IGSF21: variants seen among roughly 807,000 people sequenced by gnomAD.
IGSF21 encodes immunoglobulin superfamily member 21.
A neutral mutation model predicts 46.8 loss-of-function variants in IGSF21; 28 were observed. The ratio of observed to expected loss-of-function variants is 0.60; its 90% confidence interval spans 0.44 to 0.82. The LOEUF (loss-of-function observed/expected upper bound fraction) is 0.82, where lower values mean the gene tolerates loss of function less well. Ranked by LOEUF, IGSF21 falls within the 40% of genes least tolerant of loss-of-function variation. IGSF21 has a pLI of 0.00. For missense variants in IGSF21, 624 were observed against 665.5 expected, an observed-to-expected ratio of 0.94 and a Z score of 0.69; for synonymous variants, 284 against 273.6, an observed-to-expected ratio of 1.04 and a Z score of -0.38.
At chr1:18,137,214 A>C (rs2086374789) in intron 1 of IGSF21, among the ~76,000 whole-genome samples, 1 of 152,146 alleles carries the variant, frequency 6.6e-6, no homozygotes, top group East Asian at 1.9e-4. Context: ...GGTGGTGCAC[A>C]CTTTTCAATG....
At position 18,173,008 on chromosome 1, in the gene IGSF21, G is replaced by A. The variant is rs2086756271; in HGVS notation, c.71-54890G>A. Among the ~76,000 whole-genome samples the A allele has an allele frequency of 2.0e-5, 3 of 152,282 alleles. No homozygotes were observed. In the South Asian group the frequency reaches 6.2e-4, roughly 32 times the overall value. ...TCACATTTTAAAAAAACAGCTTTAGGCCAGGTGCGGTGGCTCACGCCTGTA... is the reference window on the plus strand; with the variant it reads ...TCACATTTTAAAAAAACAGCTTTAGACCAGGTGCGGTGGCTCACGCCTGTA... On this transcript the variant is annotated intron_variant, in intron 1 of 9. Coordinates refer to ENST00000251296, the MANE Select transcript of IGSF21 (RefSeq NM_032880.5).
At chr1:18,339,282 G>A (rs1483324835) in intron 4 of IGSF21, among the ~76,000 whole-genome samples, 1 of 152,202 alleles carries the variant, frequency 6.6e-6, no homozygotes, top group African/African-American at 2.4e-5. Context: ...TGAGCCCAGA[G>A]CACGTACTTA....
At chr1:18,214,143 G>T (rs2084419558) in intron 1 of IGSF21, among the ~76,000 whole-genome samples, 1 of 152,168 alleles carries the variant, frequency 6.6e-6, no homozygotes, top group Non-Finnish European at 1.5e-5. Flanking sequence ...CATACATCAT[G>T]AATAATACAT....
At chr1:18,145,769 G>A (rs1041996771) in intron 1 of IGSF21, among the ~76,000 whole-genome samples, 4 of 152,202 alleles carry the variant, frequency 2.6e-5, no homozygotes, top group Middle Eastern at 3.2e-3. Context: ...GGCACCTGCC[G>A]GCTGAGCGTG....
At chr1:18,181,277 C>T (rs2086855571) in intron 1 of IGSF21, among the ~76,000 whole-genome samples, 1 of 152,246 alleles carries the variant, frequency 6.6e-6, no homozygotes. Context: ...CTCTGCCGAA[C>T]TCCAAATAGA....
At chr1:18,123,142 A>G (rs2086249297) in intron 1 of IGSF21, among the ~76,000 whole-genome samples, 1 of 152,164 alleles carries the variant, frequency 6.6e-6, no homozygotes, top group African/African-American at 2.4e-5. Flanking sequence ...GGTCCGTAAA[A>G]TGAAAGGGTG....
At chr1:18,137,772 A>G (rs1050445223) in intron 1 of IGSF21, among the ~76,000 whole-genome samples, 1 of 152,212 alleles carries the variant, frequency 6.6e-6, no homozygotes, top group Non-Finnish European at 1.5e-5. Flanking sequence ...ATAGGTATTT[A>G]TTTAACAAAT....
At chr1:18,342,295 T>C (rs933478420) in intron 4 of IGSF21, among the ~76,000 whole-genome samples, 2 of 152,164 alleles carry the variant, frequency 1.3e-5, no homozygotes, top group Middle Eastern at 3.2e-3. Context: ...GGTTTCTCCA[T>C]GTTGGCTAGG....
At chr1:18,214,105 T>C (rs904854421) in intron 1 of IGSF21, among the ~76,000 whole-genome samples, 7 of 149,686 alleles carry the variant, frequency 4.7e-5, no homozygotes, top group Non-Finnish European at 1.5e-5. Flanking sequence ...ATATTAATAA[T>C]AAATAAACAA....
At chr1:18,143,354 C>A (rs745418484) in intron 1 of IGSF21, among the ~76,000 whole-genome samples, 18 of 152,160 alleles carry the variant, frequency 1.2e-4, no homozygotes, top group Non-Finnish European at 2.4e-4. Flanking sequence ...CAGCCTGGAC[C>A]CTGATCTCCT....
At chr1:18,145,277 G>A (rs1460046854) in intron 1 of IGSF21, among the ~76,000 whole-genome samples, 1 of 152,062 alleles carries the variant, frequency 6.6e-6, no homozygotes, top group African/African-American at 2.4e-5. Context: ...CCTGACCCTT[G>A]TGTGGGTATC....
intron 1 of IGSF21, among the ~76,000 whole-genome samples, chr1:18,116,534 G>A (rs1025021056): frequency 6.6e-6 from 1 of 152,234 alleles, no homozygotes; most frequent in African/African-American, 2.4e-5. Context: ...GGGGCCAGCA[G>A]GCCATGGAGA....
chr1:18,151,326 C>T (rs2086520312), intron 1 of IGSF21, among the ~76,000 whole-genome samples: 1 of 152,182 alleles, frequency 6.6e-6, no homozygotes, highest in Non-Finnish European at 1.5e-5. Context: ...TCAGAGGCTC[C>T]CCTGAGCACT....
intron 2 of IGSF21, among the ~76,000 whole-genome samples, chr1:18,234,805 T>C (rs933045675): frequency 1.1e-4 from 17 of 151,952 alleles, no homozygotes; most frequent in African/African-American, 3.6e-4. Flanking sequence ...GAGATTTGGG[T>C]GGGGGCACAG....
chr1:18,170,060 C>G (rs2086721371), intron 1 of IGSF21, among the ~76,000 whole-genome samples: 1 of 152,164 alleles, frequency 6.6e-6, no homozygotes, highest in Non-Finnish European at 1.5e-5. Context: ...AAGCCCCAGC[C>G]CACAGCAGGC....
intron 4 of IGSF21, among the ~76,000 whole-genome samples, chr1:18,344,385 G>C (rs1344583638): frequency 2.0e-5 from 3 of 152,122 alleles, no homozygotes; most frequent in Non-Finnish European, 2.9e-5. Context: ...GGTCAGGCTG[G>C]AAGAACCTCT....
rs536580794 is a variant in IGSF21, at chr1:18,221,377, CT to C, written c.71-6517del. Among the ~76,000 whole-genome samples, 5 of 152,266 alleles carry C rather than the reference CT, an allele frequency of 3.3e-5. No homozygotes were observed. The South Asian group carries it at 1.0e-3, about 32-fold the overall frequency. ...GGTGACTCTAACATAATTTATGTCT[CT>C]TTTCAGAGACAGGCCCATATCCCTC... On this transcript the variant is annotated intron_variant, in intron 1 of 9. Coordinates refer to ENST00000251296, the MANE Select transcript of IGSF21 (RefSeq NM_032880.5).
intron 4 of IGSF21, among the ~76,000 whole-genome samples, chr1:18,343,729 C>T (rs2085865387): frequency 6.6e-6 from 1 of 152,202 alleles, no homozygotes; most frequent in Non-Finnish European, 1.5e-5. Flanking sequence ...ATCTTGGCAT[C>T]CTTGTCGAAA....
chr1:18,120,171 G>A (rs189157238), intron 1 of IGSF21, among the ~76,000 whole-genome samples: 3 of 152,250 alleles, frequency 2.0e-5, no homozygotes, highest in Non-Finnish European at 1.5e-5. Context: ...CTGGAAAACC[G>A]CAGGGGATGG....
Sources: gnomAD v4.1 joint callset for allele counts (sites outside exome capture counted in the v4.1 genomes callset) on GRCh38, gnomAD v4.1.1 for gene constraint, MANE v1.5 for transcripts, NCBI Gene and HGNC (gene_info 2026-07-23, HGNC 2026-07-21) for gene names.